Variants in CCDC66 observed in about 807,000 individuals in gnomAD.
The protein encoded by CCDC66 is coiled-coil domain-containing protein 66.
Under a neutral mutation model 128.3 loss-of-function variants are expected in CCDC66, and 133 were observed. The observed-to-expected ratio is 1.04, with a 90% CI of 0.90 to 1.20. The LOEUF (loss-of-function observed/expected upper bound fraction) is 1.20. Among genes scored for constraint, CCDC66 ranks in the 50% most tolerant of loss-of-function variants. The pLI is 0.00. For missense variants in CCDC66, 1,126 were observed against 1,075.5 expected, an observed-to-expected ratio of 1.05 and a Z score of -0.66; for synonymous variants, 387 against 357.0, an observed-to-expected ratio of 1.08 and a Z score of -0.95.
intron 6 of CCDC66, among the ~76,000 whole-genome samples, chr3:56,567,815 C>T (rs2066075684): frequency 6.6e-6 from 1 of 152,024 alleles, no homozygotes; most frequent in Non-Finnish European, 1.5e-5. Context: ...TCAGCCTCCC[C>T]AGTAGCTGGG....
At position 56,619,779 on chromosome 3, in the gene CCDC66, T is replaced by C. The variant is rs1393321781; in HGVS notation, c.2638T>C (p.Cys880Arg). ...QDPQYQNSQD[C>R]GQKRQLFDSD... The stretch of plus-strand genomic sequence containing the variant: ...TTGTTACTTTCATCTGGCTTTAGAC[T>C]GTGGCCAAAAACGACAGCTATTTGA... The change falls in exon 17 of 18, where the codon TGT becomes CGT. Residue 880 changes from cysteine (C) to arginine (R), a missense_variant and splice_region_variant. Physicochemically the swap from Cys to Arg is radical, Grantham distance 180. Transcript: ENST00000394672. 5 of 1,613,888 alleles carry C rather than the reference T, an allele frequency of 3.1e-6. No individual in the cohort carries two copies. Among genetic ancestry groups the C allele is most frequent in the Non-Finnish European group, 4.2e-6 (5 of 1,179,978 alleles).
intron 7 of CCDC66, among the ~76,000 whole-genome samples, chr3:56,577,301 A>C (rs142255511): frequency 4.5e-4 from 69 of 151,752 alleles, no homozygotes; most frequent in African/African-American, 1.6e-3. Flanking sequence ...TGTTTAAGTT[A>C]TTTATAGATT....
intron 10 of CCDC66, among the ~76,000 whole-genome samples, chr3:56,605,493 C>T (rs1041372167): frequency 6.6e-6 from 1 of 152,036 alleles, no homozygotes; most frequent in Non-Finnish European, 1.5e-5. Flanking sequence ...CTAATCCTTT[C>T]TGTTTGTTAG....
At chr3:56,559,858 G>T (rs2064872621) in intron 3 of CCDC66, among the ~76,000 whole-genome samples, 1 of 152,146 alleles carries the variant, frequency 6.6e-6, no homozygotes. Context: ...AATAAAATCA[G>T]TATTATTGAA....
intron 1 of CCDC66, among the ~76,000 whole-genome samples, chr3:56,558,508 C>G (rs946300312): frequency 7.9e-5 from 12 of 152,190 alleles, no homozygotes; most frequent in African/African-American, 2.7e-4. Context: ...TTAAATATAT[C>G]TTGTTCCTTT....
intron 7 of CCDC66, among the ~76,000 whole-genome samples, chr3:56,591,917 T>C (rs2070977098): frequency 6.6e-6 from 1 of 152,220 alleles, no homozygotes; most frequent in African/African-American, 2.4e-5. Context: ...AATTATGTCT[T>C]GTAGTTATTT....
intron 10 of CCDC66, among the ~76,000 whole-genome samples, chr3:56,602,724 A>C (rs2073395733): frequency 6.6e-6 from 1 of 151,676 alleles, no homozygotes; most frequent in Non-Finnish European, 1.5e-5. Context: ...TGTGTCCAGG[A>C]ATTTATCCAT....
intron 11 of CCDC66, among the ~76,000 whole-genome samples, chr3:56,614,059 T>C (rs950923020): frequency 5.3e-5 from 8 of 152,174 alleles, no homozygotes; most frequent in Admixed American, 1.3e-4. Flanking sequence ...GGCCTCCTAA[T>C]TGTAACATTT....
At chr3:56,613,892 A>G in intron 11 of CCDC66, 142 bp downstream of exon 11, 2 of 659,786 alleles carry the variant, frequency 3.0e-6, no homozygotes, top group South Asian at 3.9e-5. Flanking sequence ...TTGTCCTTCC[A>G]CCTTGGTCTC....
At chr3:56,558,703 T>C (rs2064701983) in intron 1 of CCDC66, 143 bp from the exon 2 acceptor site, 1 of 698,610 alleles carries the variant, frequency 1.4e-6, no homozygotes, top group South Asian at 1.6e-5. Context: ...ACGTTTTTAA[T>C]TAAAACACTG....
intron 7 of CCDC66, among the ~76,000 whole-genome samples, chr3:56,586,092 G>A (rs758960888): frequency 6.6e-6 from 1 of 151,934 alleles, no homozygotes; most frequent in Non-Finnish European, 1.5e-5. Flanking sequence ...GACAGTGGAA[G>A]GAAACAAGGA....
chr3:56,559,697 G>T, intron 3 of CCDC66, 103 bp downstream of exon 3: 1 of 878,258 alleles, frequency 1.1e-6, no homozygotes, highest in South Asian at 1.9e-5. Flanking sequence ...TGTTCTAAGG[G>T]GTTTGGAATT....
chr3:56,604,576 C>CTTT (rs879716072), intron 10 of CCDC66, among the ~76,000 whole-genome samples: 1 of 144,742 alleles, frequency 6.9e-6, no homozygotes, highest in South Asian at 2.2e-4. Flanking sequence ...GTTGAAAATT[C>CTTT]TTTTTTTTTT....
At chr3:56,568,453 C>T (rs2066185521) in intron 6 of CCDC66, among the ~76,000 whole-genome samples, 3 of 152,112 alleles carry the variant, frequency 2.0e-5, no homozygotes, top group African/African-American at 7.2e-5. Context: ...TAATATTTGA[C>T]ATCTAGAGTA....
intron 7 of CCDC66, chr3:56,572,330 C>G: frequency 3.9e-6 from 5 of 1,285,224 alleles, no homozygotes; most frequent in Non-Finnish European, 5.1e-6. Flanking sequence ...TTTTACACTT[C>G]TGCTAGCTCT....
chr3:56,618,543 GAA>G, intron 15 of CCDC66: 1 of 244,400 alleles, frequency 4.1e-6, no homozygotes, highest in Non-Finnish European at 7.8e-6. Flanking sequence ...TGAATGGGAA[GAA>G]ATGACTGATA....
At chr3:56,619,997 C>A in intron 17 of CCDC66, 96 bp downstream of exon 17, 3 of 1,338,766 alleles carry the variant, frequency 2.2e-6, no homozygotes, top group Non-Finnish European at 3.0e-6. Context: ...TACTTCGGTG[C>A]ATCCCAGGAT....
chr3:56,593,928 G>C lies in CCDC66; in HGVS notation c.1320-16G>C. 1.2e-6 allele frequency: 2 copies of C among 1,613,288 alleles called. No homozygotes were observed. Among genetic ancestry groups the C allele is most frequent in the Non-Finnish European group, 1.7e-6 (2 of 1,179,248 alleles). On this transcript the variant is annotated splice_polypyrimidine_tract_variant and intron_variant, in intron 9 of 17. Transcript: ENST00000394672. ...CTTTTTGAGGTTTTGAATAGCTAATGTATGTATCTTGCCAGCTTTCTCCGT... is the reference window on the plus strand; with the variant it reads ...CTTTTTGAGGTTTTGAATAGCTAATCTATGTATCTTGCCAGCTTTCTCCGT...
At chr3:56,560,495 C>G (rs1332399420) in intron 3 of CCDC66, among the ~76,000 whole-genome samples, 1 of 152,174 alleles carries the variant, frequency 6.6e-6, no homozygotes, top group East Asian at 1.9e-4. Context: ...CTTTGGGAGG[C>G]CAAGGTGGGT....
Sources: gnomAD v4.1 joint callset for allele counts (sites outside exome capture counted in the v4.1 genomes callset) on GRCh38, gnomAD v4.1.1 for gene constraint, MANE v1.5 for transcripts, NCBI Gene and HGNC (gene_info 2026-07-23, HGNC 2026-07-21) for gene names.